COP1: variants seen among roughly 807,000 people sequenced by gnomAD.
COP1 encodes E3 ubiquitin-protein ligase COP1.
A neutral mutation model predicts 101.3 loss-of-function variants in COP1; 24 were observed. The ratio of observed to expected loss-of-function variants is 0.24; its 90% confidence interval spans 0.17 to 0.33. COP1 has a LOEUF of 0.33. COP1 is among the 10% of genes least tolerant of loss of function. The pLI is 1.00. For missense variants in COP1, 663 were observed against 906.2 expected (o/e 0.73, Z 3.45); for synonymous variants, 347 against 341.9 (o/e 1.01, Z -0.17).
At chr1:176,029,340 G>T (rs1018716985) in intron 14 of COP1, among the ~76,000 whole-genome samples, 2 of 152,142 alleles carry the variant, frequency 1.3e-5, no homozygotes, top group Non-Finnish European at 2.9e-5. Flanking sequence ...ATTAGGGAGA[G>T]CAAAGCTGAC....
Position 176,020,268 on chromosome 1 carries a change from G to A in COP1, c.1729+7304C>T, listed in dbSNP as rs553832559. ...AGAAGTTGCAGTGAGCCAAGATCACGCCATTGCCCTCCAGCCTGGGCGACA... is the reference window on the plus strand; with the variant it reads ...AGAAGTTGCAGTGAGCCAAGATCACACCATTGCCCTCCAGCCTGGGCGACA... On this transcript the variant is annotated intron_variant, in intron 15 of 19. Transcript: ENST00000367669. 8.4e-5 allele frequency among the ~76,000 whole-genome samples: 12 copies of A among 142,646 alleles called. No homozygotes were observed. In the East Asian group the frequency reaches 1.0e-3, roughly 12 times the overall value. 93.6% of individuals were successfully genotyped at this position (142,646 alleles called of 152,430 possible). A position where few individuals can be genotyped will look rare whatever the true frequency, so the allele number is the denominator to read the frequency against.
At chr1:176,028,232 T>C (rs1192709271) in intron 14 of COP1, among the ~76,000 whole-genome samples, 1 of 152,010 alleles carries the variant, frequency 6.6e-6, no homozygotes, top group East Asian at 1.9e-4. Flanking sequence ...CAGAATAACA[T>C]TAAAACCAAG....
At chr1:175,987,770 G>T (rs1571419572) in intron 17 of COP1, among the ~76,000 whole-genome samples, 1 of 152,282 alleles carries the variant, frequency 6.6e-6, no homozygotes, top group Admixed American at 6.5e-5. Flanking sequence ...GGCATTAGAT[G>T]TATCAGAGCA....
At chr1:176,033,831 T>C (rs1473310705) in intron 14 of COP1, among the ~76,000 whole-genome samples, 1 of 152,184 alleles carries the variant, frequency 6.6e-6, no homozygotes, top group Non-Finnish European at 1.5e-5. Context: ...CAGTTAAACA[T>C]TTACTAAATA....
intron 1 of COP1, 76 bp from the exon 2 acceptor site, chr1:176,184,768 A>G: frequency 2.0e-6 from 2 of 976,580 alleles, no homozygotes; most frequent in Admixed American, 2.0e-5. Flanking sequence ...TAGTAACAAT[A>G]CCAATGAAAT....
At chr1:176,160,626 A>C (rs929460430) in intron 5 of COP1, among the ~76,000 whole-genome samples, 1 of 152,164 alleles carries the variant, frequency 6.6e-6, no homozygotes, top group South Asian at 2.1e-4. Context: ...ATGAACAGAC[A>C]CTTCTCAAAA....
intron 5 of COP1, among the ~76,000 whole-genome samples, chr1:176,160,539 T>C (rs1437037281): frequency 1.3e-5 from 2 of 151,382 alleles, no homozygotes; most frequent in Non-Finnish European, 2.9e-5. Flanking sequence ...AGATCTAATA[T>C]CCAGAATCTA....
chr1:176,122,097 G>A (rs946866726), intron 8 of COP1, among the ~76,000 whole-genome samples: 4 of 141,690 alleles, frequency 2.8e-5, no homozygotes, highest in African/African-American at 8.0e-5. Flanking sequence ...CCGAGATCGC[G>A]CCACTGCACT....
rs371215731 is a variant in COP1 at position 176,132,203 on chromosome 1, CCAAG to C, written c.968+2803_968+2806del. On this transcript the variant is annotated intron_variant, in intron 8 of 19. Coordinates refer to ENST00000367669, the MANE Select transcript of COP1 (RefSeq NM_022457.7). ...TCTTCTCTGTCCTCCACACAGGGAT[CCAAG>C]TAAACATTTTAAAATCTAAATCAGA... 6.3e-3 allele frequency among the ~76,000 whole-genome samples: 951 copies of C among 151,828 alleles called. 7 individuals carry two copies. The highest frequency in any genetic ancestry group is 0.022 in the African/African-American group (900 of 41,470).
intron 18 of COP1, among the ~76,000 whole-genome samples, chr1:175,964,143 A>C (rs563420725): frequency 3.3e-5 from 5 of 152,296 alleles, no homozygotes; most frequent in African/African-American, 1.2e-4. Flanking sequence ...AGAAAGGTTA[A>C]ATAACTTTCC....
chr1:176,023,631 T>C (rs370004147), intron 15 of COP1, among the ~76,000 whole-genome samples: 2 of 150,746 alleles, frequency 1.3e-5, no homozygotes, highest in African/African-American at 2.4e-5. Context: ...GGCAGGAGAA[T>C]TGCTTGAACC....
intron 5 of COP1, among the ~76,000 whole-genome samples, chr1:176,151,389 GAAA>G (rs1692535165): frequency 8.2e-6 from 1 of 122,134 alleles, no homozygotes; most frequent in Non-Finnish European, 1.9e-5. Context: ...AAGAAAGAAA[GAAA>G]GAAAGAAAGA....
chr1:175,973,078 C>A (rs778308073), intron 18 of COP1, among the ~76,000 whole-genome samples: 1 of 152,148 alleles, frequency 6.6e-6, no homozygotes, highest in Non-Finnish European at 1.5e-5. Context: ...GGGATCTGCC[C>A]GCCTCAGCCT....
intron 11 of COP1, among the ~76,000 whole-genome samples, chr1:176,063,497 T>A (rs949202439): frequency 6.6e-6 from 1 of 152,242 alleles, no homozygotes; most frequent in Admixed American, 6.5e-5. Flanking sequence ...TCTTAAATTA[T>A]GTAAAACATC....
chr1:176,130,151 T>C (rs927303853), intron 8 of COP1, among the ~76,000 whole-genome samples: 34 of 151,706 alleles, frequency 2.2e-4, no homozygotes, highest in African/African-American at 7.7e-4. Context: ...AAAATCAGCA[T>C]TGTCCTATTT....
chr1:176,131,495 T>A (rs535604641), intron 8 of COP1, among the ~76,000 whole-genome samples: 2 of 151,952 alleles, frequency 1.3e-5, no homozygotes, highest in African/African-American at 4.8e-5. Context: ...TGACCTGACA[T>A]ATAATAAAGA....
At chr1:176,055,843 A>G (rs1673381454) in intron 11 of COP1, among the ~76,000 whole-genome samples, 1 of 151,558 alleles carries the variant, frequency 6.6e-6, no homozygotes, top group African/African-American at 2.4e-5. Context: ...ATTTCCTTCT[A>G]TTTTATTTAG....
chr1:176,052,139 G>A (rs184652473), intron 11 of COP1, among the ~76,000 whole-genome samples: 7 of 152,158 alleles, frequency 4.6e-5, no homozygotes, highest in East Asian at 3.9e-4. Flanking sequence ...CCCTATACAC[G>A]TGTACCAGTT....
intron 15 of COP1, among the ~76,000 whole-genome samples, chr1:176,006,553 A>C (rs952247367): frequency 6.6e-6 from 1 of 152,080 alleles, no homozygotes; most frequent in South Asian, 2.1e-4. Flanking sequence ...GGTGGTGACA[A>C]AATCCCTCAG....
Sources: gnomAD v4.1 joint callset for allele counts (sites outside exome capture counted in the v4.1 genomes callset) on GRCh38, gnomAD v4.1.1 for gene constraint, MANE v1.5 for transcripts, NCBI Gene and HGNC (gene_info 2026-07-23, HGNC 2026-07-21) for gene names.